PIAS1: variants seen among roughly 807,000 people sequenced by gnomAD.
PIAS1 encodes protein inhibitor of activated STAT 1, also known as E3 SUMO-protein ligase PIAS1.
Under a neutral mutation model 71.3 loss-of-function variants are expected in PIAS1, and 6 were observed. The observed-to-expected ratio is 0.08, with a 90% CI of 0.05 to 0.17. PIAS1 has a LOEUF of 0.17. Among genes scored for constraint, PIAS1 ranks in the 10% least tolerant of loss-of-function variants. The pLI is 1.00. For synonymous variants in PIAS1, 303 were observed against 292.9 expected (o/e 1.03, Z -0.35); for missense variants, 555 against 793.6 (o/e 0.70, Z 3.61).
At chr15:68,062,215 T>A (rs919714475) in intron 1 of PIAS1, among the ~76,000 whole-genome samples, 4 of 152,214 alleles carry the variant, frequency 2.6e-5, no homozygotes, top group African/African-American at 9.7e-5. Context: ...ATAGAGATAA[T>A]AAGTGACTAC....
rs542142051 is a variant in PIAS1, at chr15:68,187,393, A to G, written c.1663-149A>G. The stretch of plus-strand genomic sequence containing the variant: ...AATGCTCCAGTCCTTACATAAGGCC[A>G]TTTGATTTTGCAAAATGTCTTAGTA... On this transcript the variant is annotated intron_variant, in intron 13 of 13. Transcript: ENST00000249636. The surrounding 1 kb of genome is among the most constrained non-coding windows in gnomAD (Gnocchi z 5.3). 4.5e-6 allele frequency: 3 copies of G among 660,396 alleles called. No individual in the cohort carries two copies. The highest frequency in any genetic ancestry group is 7.7e-6 in the Non-Finnish European group (3 of 388,220). 40.9% of individuals were successfully genotyped at this position (660,396 alleles called of 1,614,324 possible).
intron 2 of PIAS1, among the ~76,000 whole-genome samples, chr15:68,118,180 A>G (rs938415139): frequency 2.0e-5 from 3 of 151,994 alleles, no homozygotes; most frequent in African/African-American, 4.8e-5. Context: ...AATTAGCCAG[A>G]TGTGGTGGTG....
At chr15:68,111,187 G>A (rs1347543655) in intron 2 of PIAS1, among the ~76,000 whole-genome samples, 1 of 152,214 alleles carries the variant, frequency 6.6e-6, no homozygotes, top group African/African-American at 2.4e-5. Context: ...TTGTCCAGAA[G>A]CCAGTAGATG....
chr15:68,056,912 G>A (rs2091902524), intron 1 of PIAS1, among the ~76,000 whole-genome samples: 1 of 152,038 alleles, frequency 6.6e-6, no homozygotes, highest in South Asian at 2.1e-4. Context: ...AAAAATCAGA[G>A]TAAGAAGAAA....
intron 2 of PIAS1, among the ~76,000 whole-genome samples, chr15:68,137,696 T>A (rs1445469650): frequency 1.3e-5 from 2 of 152,208 alleles, no homozygotes; most frequent in Non-Finnish European, 2.9e-5. Context: ...AACCTCAATT[T>A]CTTCATCTGA....
intron 12 of PIAS1, among the ~76,000 whole-genome samples, chr15:68,182,490 C>CGTGTGTGT (rs67774530): frequency 0.11 from 13,231 of 123,238 alleles, 1,828 homozygotes; most frequent in East Asian, 0.15. Context: ...GCTCAGGCTG[C>CGTGTGTGT]GTGTGTGTGT....
intron 1 of PIAS1, among the ~76,000 whole-genome samples, chr15:68,063,032 TTA>T: frequency 8.4e-6 from 1 of 118,986 alleles, no homozygotes; most frequent in Non-Finnish European, 2.0e-5. Context: ...ACTGGTTTTT[TTA>T]AAAAAATAAT....
intron 2 of PIAS1, among the ~76,000 whole-genome samples, chr15:68,111,011 C>G (rs1263455174): frequency 6.6e-6 from 1 of 152,156 alleles, no homozygotes; most frequent in African/African-American, 2.4e-5. Context: ...TTCTCTCCCT[C>G]TGTGGCATCC....
intron 6 of PIAS1, among the ~76,000 whole-genome samples, chr15:68,152,899 C>CTTTTTTTT (rs71287005): frequency 8.2e-6 from 1 of 121,962 alleles, no homozygotes; most frequent in African/African-American, 3.1e-5. Flanking sequence ...TTTGGCTTTT[C>CTTTTTTTT]TTTTTTTTTT....
chr15:68,116,934 C>T (rs537337432), intron 2 of PIAS1, among the ~76,000 whole-genome samples: 4 of 152,150 alleles, frequency 2.6e-5, no homozygotes, highest in South Asian at 4.2e-4. Flanking sequence ...ATATTTATGG[C>T]GTACAATGTG....
chr15:68,138,262 A>G (rs1346898850), intron 2 of PIAS1, among the ~76,000 whole-genome samples: 17 of 152,176 alleles, frequency 1.1e-4, no homozygotes, highest in Admixed American at 1.1e-3. Context: ...GGATCAAGGC[A>G]GAGGGGAAAC....
intron 1 of PIAS1, chr15:68,056,022 A>G (rs1261061647): frequency 1.5e-6 from 1 of 652,426 alleles, no homozygotes; most frequent in Non-Finnish European, 2.8e-6. Context: ...GTTTCAAACT[A>G]TTGACTGAAA....
At chr15:68,067,934 G>A (rs1238341541) in intron 1 of PIAS1, among the ~76,000 whole-genome samples, 1 of 152,094 alleles carries the variant, frequency 6.6e-6, no homozygotes, top group Non-Finnish European at 1.5e-5. Context: ...CAGTAGTTTT[G>A]TATATTATTA....
chr15:68,101,782 T>G (rs1008319432), intron 2 of PIAS1, among the ~76,000 whole-genome samples: 1 of 152,176 alleles, frequency 6.6e-6, no homozygotes, highest in East Asian at 1.9e-4. Flanking sequence ...TTTGACTTGC[T>G]CTGTCACCCA....
intron 2 of PIAS1, among the ~76,000 whole-genome samples, chr15:68,131,985 C>G (rs1325386193): frequency 1.5e-5 from 2 of 137,578 alleles, no homozygotes; most frequent in Non-Finnish European, 3.1e-5. Context: ...AGTGGATTGT[C>G]TGAGTTCAGG....
chr15:68,091,059 A>G (rs1199499267), intron 2 of PIAS1, among the ~76,000 whole-genome samples: 1 of 151,900 alleles, frequency 6.6e-6, no homozygotes, highest in Admixed American at 6.6e-5. Flanking sequence ...ATGGAAGAAA[A>G]TTTTAATCTT....
intron 1 of PIAS1, among the ~76,000 whole-genome samples, chr15:68,071,495 G>A (rs949232485): frequency 3.0e-4 from 45 of 150,466 alleles, no homozygotes; most frequent in Middle Eastern, 6.8e-3. Flanking sequence ...GATTACAGGC[G>A]TGAGCCACTG....
At position 68,086,241 on chromosome 15, in the gene PIAS1, G is replaced by A; in HGVS notation, c.25-65G>A. 1 of 1,100,316 alleles carries A rather than the reference G, an allele frequency of 9.1e-7. No homozygotes were observed. The highest frequency in any genetic ancestry group is 2.6e-5 in the East Asian group (1 of 38,556). 68.2% of individuals were successfully genotyped at this position (1,100,316 alleles called of 1,614,324 possible). ...CATAAGAAGGGGGTTATAATAAAGTGTCATTTAATAGTGTAAATTATATTA... is the reference window on the plus strand; with the variant it reads ...CATAAGAAGGGGGTTATAATAAAGTATCATTTAATAGTGTAAATTATATTA... On this transcript the variant is annotated intron_variant, in intron 1 of 13. Coordinates refer to ENST00000249636, the MANE Select transcript of PIAS1 (RefSeq NM_016166.3). The surrounding 1 kb of genome is among the most constrained non-coding windows in gnomAD (Gnocchi z 7.2).
At chr15:68,119,264 A>AAAAAAAG (rs2092593745) in intron 2 of PIAS1, among the ~76,000 whole-genome samples, 4 of 144,946 alleles carry the variant, frequency 2.8e-5, no homozygotes, top group Non-Finnish European at 4.5e-5. Flanking sequence ...AAAAAAAAAA[A>AAAAAAAG]GTATATATAT....
Sources: gnomAD v4.1 joint callset for allele counts (sites outside exome capture counted in the v4.1 genomes callset) on GRCh38, gnomAD v4.1.1 for gene constraint, Gnocchi (gnomAD v3.1) non-coding constraint, MANE v1.5 for transcripts, NCBI Gene and HGNC (gene_info 2026-07-23, HGNC 2026-07-21) for gene names.